PID1: variants seen among roughly 807,000 people sequenced by gnomAD.
The protein encoded by PID1 is phosphotyrosine interaction domain containing 1.
Under a neutral mutation model 19.1 loss-of-function variants are expected in PID1, and 10 were observed. The observed-to-expected ratio is 0.52, with a 90% confidence interval of 0.32 to 0.89. The LOEUF is 0.89. Among genes scored for constraint, PID1 ranks in the 40% least tolerant of loss-of-function variants. The pLI, the probability that PID1 is intolerant of heterozygous loss-of-function variation, is 0.03. For missense variants in PID1, 248 were observed against 285.3 expected (o/e 0.87, Z 0.94); for synonymous variants, 130 against 116.0 (o/e 1.12, Z -0.78).
rs539672743 is a variant in PID1, at chr2:229,203,037, C to T, written c.31-47073G>A. On this transcript the variant is annotated intron_variant, in intron 1 of 2. Coordinates refer to ENST00000392055, the MANE Select transcript of PID1 (RefSeq NM_001100818.2). ...CTCATGTCTCTTTGAAGTCCATATA[C>T]ATAGCCAGCCAATTCAGTATCAGAG... 4.6e-5 allele frequency among the ~76,000 whole-genome samples: 7 copies of T among 152,202 alleles called. No homozygotes were observed. In the South Asian group the frequency reaches 1.5e-3, roughly 32 times the overall value.
chr2:229,200,829 G>C (rs1270704601), intron 1 of PID1, among the ~76,000 whole-genome samples: 2 of 152,060 alleles, frequency 1.3e-5, no homozygotes, highest in Non-Finnish European at 1.5e-5. Context: ...TACATCCTAA[G>C]TCAAATGAGC....
chr2:229,065,405 T>G (rs1694302927), intron 2 of PID1, among the ~76,000 whole-genome samples: 2 of 152,268 alleles, frequency 1.3e-5, no homozygotes, highest in Admixed American at 6.5e-5. Context: ...GCAGAAAGAT[T>G]AAGTGAAAAG....
intron 2 of PID1, among the ~76,000 whole-genome samples, chr2:229,145,730 C>A (rs1690116564): frequency 6.6e-6 from 1 of 152,112 alleles, no homozygotes; most frequent in South Asian, 2.1e-4. Flanking sequence ...GAATCTTTTA[C>A]AAACACTGTT....
At chr2:229,049,482 G>A (rs776579529) in intron 2 of PID1, among the ~76,000 whole-genome samples, 5 of 152,130 alleles carry the variant, frequency 3.3e-5, no homozygotes, top group African/African-American at 1.2e-4. Context: ...GTGGGTAGCT[G>A]AATTTATTTG....
intron 1 of PID1, among the ~76,000 whole-genome samples, chr2:229,201,722 C>T (rs1355914932): frequency 6.6e-6 from 1 of 152,074 alleles, no homozygotes; most frequent in Non-Finnish European, 1.5e-5. Flanking sequence ...ACAGCAGTTG[C>T]ATCATTTTAC....
chr2:229,129,248 A>G (rs537780292), intron 2 of PID1, among the ~76,000 whole-genome samples: 1 of 151,996 alleles, frequency 6.6e-6, no homozygotes, highest in South Asian at 2.1e-4. Context: ...CCCCATCTCT[A>G]CTAAAAATAC....
chr2:229,077,848 G>C lies in PID1; in HGVS notation c.178-51740C>G, dbSNP rs185028809. Among the ~76,000 whole-genome samples, 1,297 of 152,254 alleles carry C rather than the reference G, an allele frequency of 8.5e-3. 22 individuals are homozygous for C. The highest frequency in any genetic ancestry group is 7.3e-3 in the Non-Finnish European group (499 of 67,996). ...CCTCCAGCTTTGTTCTTTTTGCTTA[G>C]GATTGTCTTGGCTATAAAGGCTCTT... On this transcript the variant is annotated intron_variant, in intron 2 of 2. Coordinates refer to ENST00000392055, the MANE Select transcript of PID1 (RefSeq NM_001100818.2).
At chr2:229,261,369 C>A (rs980766257) in intron 1 of PID1, among the ~76,000 whole-genome samples, 3 of 152,174 alleles carry the variant, frequency 2.0e-5, no homozygotes, top group Admixed American at 2.0e-4. Flanking sequence ...CAGGACCAGG[C>A]CCCATAGCCT....
chr2:229,075,114 T>A (rs1449727138), intron 2 of PID1, among the ~76,000 whole-genome samples: 1 of 152,248 alleles, frequency 6.6e-6, no homozygotes, highest in Admixed American at 6.5e-5. Context: ...AGTTTACAGT[T>A]GGGCAAAAGA....
At chr2:229,185,082 C>CAT (rs1691097142) in intron 1 of PID1, among the ~76,000 whole-genome samples, 1 of 142,526 alleles carries the variant, frequency 7.0e-6, no homozygotes, top group African/African-American at 2.6e-5. Flanking sequence ...ATATATCCTA[C>CAT]ATATATATCC....
intron 2 of PID1, among the ~76,000 whole-genome samples, chr2:229,049,377 T>C (rs1693945207): frequency 6.6e-6 from 1 of 152,202 alleles, no homozygotes; most frequent in Admixed American, 6.5e-5. Flanking sequence ...TTCTTTCTAA[T>C]ATTTATAGTT....
At chr2:229,259,686 T>C (rs1449636365) in intron 1 of PID1, among the ~76,000 whole-genome samples, 1 of 152,254 alleles carries the variant, frequency 6.6e-6, no homozygotes, top group East Asian at 1.9e-4. Flanking sequence ...TCCAGCATCA[T>C]TTGTTGAAAA....
At chr2:229,080,568 G>T (rs1357135413) in intron 2 of PID1, among the ~76,000 whole-genome samples, 1 of 152,070 alleles carries the variant, frequency 6.6e-6, no homozygotes, top group Non-Finnish European at 1.5e-5. Flanking sequence ...CCTCATATAT[G>T]CACCAATTAG....
In PID1 at chr2:229,232,044, A is replaced by G. The variant is rs1221120043; in HGVS notation, c.30+38970T>C. 8 of 1,544,328 alleles carry G rather than the reference A, an allele frequency of 5.2e-6. No homozygotes were observed. In the East Asian group the frequency reaches 2.0e-4, roughly 38 times the overall value. ...CTCACACAGTGGAAGGCTAAGGGGC[A>G]GGCTGAACATGGCACGAAGCCTCTT... On this transcript the variant is annotated intron_variant, in intron 1 of 2. Transcript: ENST00000392055.
At chr2:229,174,917 C>A (rs1294780662) in intron 1 of PID1, among the ~76,000 whole-genome samples, 1 of 152,138 alleles carries the variant, frequency 6.6e-6, no homozygotes, top group East Asian at 1.9e-4. Context: ...TCAGTTCAAC[C>A]CTTAAGAGTC....
At position 229,038,813 on chromosome 2, in the gene PID1, C is replaced by T. The variant is rs577271845; in HGVS notation, c.178-12705G>A. On this transcript the variant is annotated intron_variant, in intron 2 of 2. Coordinates refer to ENST00000392055, the MANE Select transcript of PID1 (RefSeq NM_001100818.2). ...GAGGTAACCCTAGAGAAAGAAAGAACCTAGTCTAATCTTATTGTCAACTTG... is the reference window on the plus strand; with the variant it reads ...GAGGTAACCCTAGAGAAAGAAAGAATCTAGTCTAATCTTATTGTCAACTTG... 3.3e-5 allele frequency among the ~76,000 whole-genome samples: 5 copies of T among 152,282 alleles called. No individual in the cohort carries two copies. In the East Asian group the frequency reaches 9.6e-4, roughly 29 times the overall value.
chr2:229,047,853 G>C (rs1364862708), intron 2 of PID1, among the ~76,000 whole-genome samples: 2 of 152,184 alleles, frequency 1.3e-5, no homozygotes, highest in African/African-American at 4.8e-5. Flanking sequence ...CCAAGAGCCT[G>C]AACAAAGGTT....
intron 2 of PID1, among the ~76,000 whole-genome samples, chr2:229,050,852 C>CAA (rs34691701): frequency 0.52 from 79,595 of 151,754 alleles, 21,614 homozygotes; most frequent in East Asian, 0.67. Context: ...ACAACAAGAA[C>CAA]AATCATATGG....
intron 1 of PID1, among the ~76,000 whole-genome samples, chr2:229,258,474 AG>A (rs1690363941): frequency 1.3e-5 from 2 of 152,234 alleles, no homozygotes; most frequent in African/African-American, 4.8e-5. Flanking sequence ...CTCAGGAGTG[AG>A]AACAGAAACA....
Sources: allele counts gnomAD v4.1 joint callset (sites outside exome capture counted in the v4.1 genomes callset), GRCh38; gene constraint gnomAD v4.1.1; transcripts MANE v1.5; gene names NCBI Gene and HGNC (gene_info 2026-07-23, HGNC 2026-07-21).